The following DOCK10 variants were observed in gnomAD, a reference collection of about 807,000 sequenced individuals.
The protein encoded by DOCK10 is dedicator of cytokinesis protein 10.
DOCK10 carries 145 observed loss-of-function variants against 280.1 expected under a neutral mutation model. That is an observed-to-expected ratio of 0.52 (90% CI 0.45 to 0.59). The LOEUF (loss-of-function observed/expected upper bound fraction) is 0.59. Among genes scored for constraint, DOCK10 ranks in the 20% least tolerant of loss-of-function variants. DOCK10 has a pLI of 0.00. For missense variants in DOCK10, 2,368 were observed against 2,651.7 expected (o/e 0.89, Z 2.35); for synonymous variants, 915 against 942.2 (o/e 0.97, Z 0.53).
intron 1 of DOCK10, among the ~76,000 whole-genome samples, chr2:224,958,753 T>A (rs1165430771): frequency 6.6e-6 from 1 of 152,132 alleles, no homozygotes; most frequent in Non-Finnish European, 1.5e-5. Context: ...ATAAACAGTA[T>A]CCTCTTTATG....
chr2:224,804,034 C>A, intron 39 of DOCK10, 78 bp downstream of exon 39: 3 of 686,342 alleles, frequency 4.4e-6, no homozygotes, highest in Admixed American at 2.6e-5. Flanking sequence ...GTGTGTGTGT[C>A]TACCCCTGAC....
At chr2:224,796,065 A>T (rs995070667) in intron 44 of DOCK10, among the ~76,000 whole-genome samples, 18 of 151,296 alleles carry the variant, frequency 1.2e-4, no homozygotes, top group African/African-American at 4.4e-4. Flanking sequence ...TATTATTATT[A>T]TTATTATTTT....
At chr2:224,966,538 G>A (rs1486779923) in intron 1 of DOCK10, among the ~76,000 whole-genome samples, 1 of 151,934 alleles carries the variant, frequency 6.6e-6, no homozygotes, top group Non-Finnish European at 1.5e-5. Context: ...TTGCTTTATC[G>A]CTATTTTCTA....
chr2:224,943,800 G>C (rs1365333364), intron 1 of DOCK10, among the ~76,000 whole-genome samples: 1 of 109,756 alleles, frequency 9.1e-6, no homozygotes, highest in African/African-American at 3.6e-5. Context: ...GTCTTGCTCT[G>C]TTTCCCAGGC....
intron 27 of DOCK10, among the ~76,000 whole-genome samples, chr2:224,823,873 A>G (rs547718011): frequency 7.2e-4 from 109 of 152,298 alleles, no homozygotes; most frequent in African/African-American, 2.6e-3. Context: ...TTTTCACTTT[A>G]TAATAAAAGT....
chr2:224,833,581 C>T (rs548375371), intron 26 of DOCK10, among the ~76,000 whole-genome samples: 1 of 152,198 alleles, frequency 6.6e-6, no homozygotes, highest in South Asian at 2.1e-4. Context: ...TCAGCACTCA[C>T]AATGCCCAAT....
At chr2:224,982,755 C>CA (rs1414722573) in intron 1 of DOCK10, among the ~76,000 whole-genome samples, 1 of 152,106 alleles carries the variant, frequency 6.6e-6, no homozygotes, top group Non-Finnish European at 1.5e-5. Context: ...CCTGACTTTA[C>CA]ACTCACAATT....
chr2:224,991,850 A>C (rs556965353), intron 1 of DOCK10, among the ~76,000 whole-genome samples: 96 of 152,368 alleles, frequency 6.3e-4, no homozygotes, highest in African/African-American at 2.2e-3. Flanking sequence ...TATAAATTAC[A>C]GTGTTCTACC....
At position 224,862,739 on chromosome 2, in the gene DOCK10, T is replaced by C. The variant is rs547836691; in HGVS notation, c.1610A>G (p.Gln537Arg). The C allele has an allele frequency of 5.6e-6, 9 of 1,595,456 alleles. No individual in the cohort carries two copies. Among genetic ancestry groups the C allele is most frequent in the Middle Eastern group, 1.7e-4 (1 of 5,988 alleles). The change falls in exon 14 of 56, where the codon CAA becomes CGA. Residue 537 changes from glutamine to arginine, a missense_variant. By Grantham distance (43) the Gln-to-Arg change is conservative. Around this residue, in one of 2 missense-constraint regions of DOCK10, gnomAD observed 1,209 missense variants for 1,250.9 expected, o/e 0.97. Transcript: ENST00000258390. ...TTGTCTGTTGGATTTTAGTATCTTT[T>C]GTGCATACTAAAGAAAAAATAAATA... is the stretch of plus-strand genomic sequence containing the variant. ...IKNPDSNKYA[Q>R]KILKSNRQFC...
chr2:225,019,141 T>C (rs968167274), intron 1 of DOCK10, among the ~76,000 whole-genome samples: 2 of 152,122 alleles, frequency 1.3e-5, no homozygotes, highest in Non-Finnish European at 2.9e-5. Context: ...GAAAACAGCC[T>C]CATGGGTTGG....
chr2:224,950,680 A>T (rs969390629), intron 1 of DOCK10, among the ~76,000 whole-genome samples: 4 of 152,216 alleles, frequency 2.6e-5, no homozygotes, highest in African/African-American at 9.6e-5. Flanking sequence ...CATCCAGAAG[A>T]TTGTCAAAAG....
intron 1 of DOCK10, among the ~76,000 whole-genome samples, chr2:224,941,390 C>T (rs1703061455): frequency 6.6e-6 from 1 of 152,168 alleles, no homozygotes; most frequent in Non-Finnish European, 1.5e-5. Context: ...TCTTCACTCC[C>T]TGTTGGGAGG....
intron 1 of DOCK10, among the ~76,000 whole-genome samples, chr2:224,994,771 TACAC>T (rs913703227): frequency 6.6e-6 from 1 of 152,174 alleles, no homozygotes; most frequent in Non-Finnish European, 1.5e-5. Flanking sequence ...AGCAAATTTT[TACAC>T]ACACACACTT....
At chr2:224,800,676 A>T (rs1045825469) in intron 40 of DOCK10, among the ~76,000 whole-genome samples, 4 of 152,220 alleles carry the variant, frequency 2.6e-5, no homozygotes, top group African/African-American at 9.6e-5. Context: ...CAAACAAGTA[A>T]CTGTGGGCCA....
intron 1 of DOCK10, among the ~76,000 whole-genome samples, chr2:225,036,960 T>C (rs1305619080): frequency 6.6e-6 from 1 of 152,188 alleles, no homozygotes; most frequent in Admixed American, 6.5e-5. Context: ...TTTGTTGTTG[T>C]CATCTCACAT....
chr2:224,835,868 AG>A (rs1413951533), intron 25 of DOCK10, among the ~76,000 whole-genome samples: 2 of 152,262 alleles, frequency 1.3e-5, no homozygotes, highest in Non-Finnish European at 2.9e-5. Context: ...AAGCAAGCTA[AG>A]TAGATAATCT....
At chr2:224,800,070 A>G in intron 41 of DOCK10, 81 bp downstream of exon 41, 1 of 795,110 alleles carries the variant, frequency 1.3e-6, no homozygotes, top group Non-Finnish European at 2.0e-6. Context: ...ATAATTAAAA[A>G]AAACCATGTT....
chr2:224,837,429 A>G (rs933898714), intron 25 of DOCK10, among the ~76,000 whole-genome samples: 1 of 152,252 alleles, frequency 6.6e-6, no homozygotes, highest in East Asian at 1.9e-4. Context: ...CCAACAGGAA[A>G]GTCTTCCTTA....
intron 2 of DOCK10, among the ~76,000 whole-genome samples, chr2:224,928,744 G>A (rs1363655446): frequency 6.6e-6 from 1 of 152,096 alleles, no homozygotes; most frequent in Non-Finnish European, 1.5e-5. Flanking sequence ...AAATCTCTTG[G>A]GCAGAGATTA....
Sources: allele counts gnomAD v4.1 joint callset (sites outside exome capture counted in the v4.1 genomes callset), GRCh38; gene constraint gnomAD v4.1.1; regional missense constraint gnomAD v4.1.1; transcripts MANE v1.5; gene names NCBI Gene and HGNC (gene_info 2026-07-23, HGNC 2026-07-21).